The following ABCA13 variants were observed in gnomAD, a reference collection of about 807,000 sequenced individuals.
ABCA13 encodes ATP binding cassette subfamily A member 13.
In ABCA13, 476 loss-of-function variants were observed where a neutral mutation model predicts 478.7. The ratio of observed to expected loss-of-function variants is 0.99; its 90% CI spans 0.92 to 1.07. The LOEUF is 1.07. ABCA13 is among the 50% of genes least tolerant of loss of function. ABCA13 has a pLI of 0.00. For missense variants in ABCA13, 6,060 were observed against 5,910.6 expected (o/e 1.03, Z -0.83); for synonymous variants, 2,252 against 2,158.9 (o/e 1.04, Z -1.20).
At chr7:48,432,442 C>T (rs901336153) in intron 42 of ABCA13, among the ~76,000 whole-genome samples, 1 of 151,922 alleles carries the variant, frequency 6.6e-6, no homozygotes, top group African/African-American at 2.4e-5. Context: ...AATAAAACCA[C>T]CATATGATCA....
At position 48,432,032 on chromosome 7, in the gene ABCA13, G is replaced by A. The variant is rs1381582078; in HGVS notation, c.12565+4161G>A. The stretch of plus-strand genomic sequence containing the variant: ...TTTAAAATTTTTTAATTTTACATAC[G>A]TAACAAACCTGCACGTTGTGCACAT... On this transcript the variant is annotated intron_variant, in intron 42 of 61. Coordinates refer to ENST00000435803, the MANE Select transcript of ABCA13 (RefSeq NM_152701.5). Among the ~76,000 whole-genome samples, 75 of 152,048 alleles carry A rather than the reference G, an allele frequency of 4.9e-4. 1 individual carries two copies. Among genetic ancestry groups the A allele is most frequent in the Non-Finnish European group, 7.4e-5 (5 of 68,010 alleles).
chr7:48,435,068 T>A (rs974288066), intron 42 of ABCA13, among the ~76,000 whole-genome samples: 8 of 151,880 alleles, frequency 5.3e-5, no homozygotes, highest in African/African-American at 1.9e-4. Context: ...AGAAGAATTG[T>A]ATTGATTAGT....
intron 27 of ABCA13, among the ~76,000 whole-genome samples, chr7:48,324,905 G>A (rs530855775): frequency 9.2e-5 from 14 of 152,340 alleles, no homozygotes; most frequent in Non-Finnish European, 1.5e-4. Flanking sequence ...ATTTATGTAT[G>A]AAGATTTTTG....
chr7:48,359,924 T>C (rs1810554082), intron 31 of ABCA13, among the ~76,000 whole-genome samples: 1 of 151,916 alleles, frequency 6.6e-6, no homozygotes, highest in Non-Finnish European at 1.5e-5. Flanking sequence ...AACCAAAAAG[T>C]CCACCTGCAG....
At chr7:48,217,907 G>T (rs1786732964) in intron 3 of ABCA13, among the ~76,000 whole-genome samples, 1 of 152,092 alleles carries the variant, frequency 6.6e-6, no homozygotes, top group South Asian at 2.1e-4. Context: ...CCTGATAAAA[G>T]TCTCAATAAA....
rs769309091 is a variant in ABCA13 at position 48,511,204 on chromosome 7, G to A, written c.13640+5G>A. ...CCTCCTGCTGTCACTTTTCGGGTAT[G>A]TGATGAGAAACGCTGCTGCAGAATT... On this transcript the variant is annotated splice_donor_5th_base_variant and intron_variant, in intron 51 of 61. Coordinates refer to ENST00000435803, the MANE Select transcript of ABCA13 (RefSeq NM_152701.5). The A allele has an allele frequency of 2.5e-6, 4 of 1,605,194 alleles. No homozygotes were observed. The highest frequency in any genetic ancestry group is 3.4e-6 in the Non-Finnish European group (4 of 1,175,304).
intron 51 of ABCA13, among the ~76,000 whole-genome samples, chr7:48,511,462 G>C (rs918272867): frequency 2.0e-5 from 3 of 152,132 alleles, no homozygotes; most frequent in African/African-American, 7.2e-5. Context: ...AACTTGTGCA[G>C]CTGGAAATGG....
chr7:48,499,719 CATTTCTG>C (rs1264610358), intron 48 of ABCA13, among the ~76,000 whole-genome samples: 1 of 152,146 alleles, frequency 6.6e-6, no homozygotes, highest in African/African-American at 2.4e-5. Flanking sequence ...TTTGAAACGT[CATTTCTG>C]AAAACTTGTG....
At chr7:48,423,851 C>T (rs10273249) in intron 41 of ABCA13, among the ~76,000 whole-genome samples, 41,805 of 152,044 alleles carry the variant, frequency 0.27, 5,898 homozygotes, top group East Asian at 0.37. Context: ...AAATTAATGA[C>T]TAGTTTGACC....
intron 55 of ABCA13, among the ~76,000 whole-genome samples, chr7:48,538,696 C>T (rs1189219997): frequency 3.3e-5 from 5 of 152,134 alleles, no homozygotes. Flanking sequence ...TGGTAGCTAA[C>T]TTATAAGTCA....
intron 19 of ABCA13, among the ~76,000 whole-genome samples, chr7:48,287,447 C>T (rs1797922395): frequency 6.6e-6 from 1 of 152,108 alleles, no homozygotes; most frequent in South Asian, 2.1e-4. Context: ...GGAGGTCATG[C>T]TGAGCAGATG....
At position 48,171,513 on chromosome 7, in the gene ABCA13, C is replaced by T. The variant is rs568578769; in HGVS notation, c.30C>T (p.Ala10=). Residue 10 remains alanine (A), a synonymous_variant, in exon 1 of 62, where the codon GCC becomes GCT. Transcript: ENST00000435803. ...GGCATGCCGGGTGCCAGTTCAAAGC[C>T]CTGCTGTGGAAGAATTGGCTCTGCA... MGHAGCQFK[A]LLWKNWLCRL... is the part of the protein sequence containing the mutation. The T allele has an allele frequency of 2.0e-6, 3 of 1,536,292 alleles. No individual in the cohort carries two copies. Among genetic ancestry groups the T allele is most frequent in the African/African-American group, 2.7e-5 (2 of 73,128 alleles).
At chr7:48,389,908 A>C (rs1815780160) in intron 37 of ABCA13, among the ~76,000 whole-genome samples, 1 of 152,228 alleles carries the variant, frequency 6.6e-6, no homozygotes. Context: ...AAGTGTGATT[A>C]GTTAAAACAA....
At chr7:48,495,034 T>G (rs1353064350) in intron 48 of ABCA13, among the ~76,000 whole-genome samples, 1 of 152,060 alleles carries the variant, frequency 6.6e-6, no homozygotes, top group Non-Finnish European at 1.5e-5. Flanking sequence ...AAGAAGAAAA[T>G]GAATCGAACA....
chr7:48,644,589 CTTTT>C (rs71006572), intron 60 of ABCA13, 24 bp from the exon 61 acceptor site: 42,145 of 1,362,670 alleles, frequency 0.031, no homozygotes, highest in South Asian at 0.043. Flanking sequence ...TTATATGATA[CTTTT>C]TTTTTTTTTT....
intron 44 of ABCA13, among the ~76,000 whole-genome samples, chr7:48,469,379 A>G (rs532146371): frequency 6.6e-6 from 1 of 152,242 alleles, no homozygotes; most frequent in Non-Finnish European, 1.5e-5. Context: ...GAATGTGCAT[A>G]CCAGGGATCA....
At position 48,583,950 on chromosome 7, in the gene ABCA13, GA is replaced by G. The variant is rs375158275; in HGVS notation, c.14506-3202del. ...ATCTTTCCTATGGTTAACCAATCCA[GA>G]ATTTGCAGGCTGCAATATTTAACCT... On this transcript the variant is annotated intron_variant, in intron 56 of 61. Transcript: ENST00000435803. Among the ~76,000 whole-genome samples the G allele has an allele frequency of 1.1e-4, 16 of 152,264 alleles. No homozygotes were observed. In the East Asian group the frequency reaches 1.9e-3, roughly 18 times the overall value.
intron 45 of ABCA13, among the ~76,000 whole-genome samples, chr7:48,478,803 T>A (rs1327892639): frequency 6.6e-6 from 1 of 151,944 alleles, no homozygotes; most frequent in Non-Finnish European, 1.5e-5. Context: ...GGAGAGATGG[T>A]GGGTAGGAGG....
chr7:48,388,565 A>C lies in ABCA13; in HGVS notation c.11474-475A>C, dbSNP rs141254412. The stretch of plus-strand genomic sequence containing the variant: ...ATGGAAATAGAGATGCATCACTCAG[A>C]GATAAACAAGCTCCCATCGTGGTGG... On this transcript the variant is annotated intron_variant, in intron 36 of 61. Transcript: ENST00000435803. Among the ~76,000 whole-genome samples the C allele has an allele frequency of 2.5e-3, 385 of 152,360 alleles. 1 individual carries two copies. Among genetic ancestry groups the C allele is most frequent in the African/African-American group, 8.8e-3 (368 of 41,598 alleles).
Sources: allele counts gnomAD v4.1 joint callset (sites outside exome capture counted in the v4.1 genomes callset), GRCh38; gene constraint gnomAD v4.1.1; transcripts MANE v1.5; gene names NCBI Gene and HGNC (gene_info 2026-07-23, HGNC 2026-07-21).